Variants in EEF1AKMT1 observed in about 807,000 individuals in gnomAD.
EEF1AKMT1 encodes EEF1A lysine methyltransferase 1.
EEF1AKMT1 carries 18 observed loss-of-function variants against 21.0 expected under a neutral mutation model. The ratio of observed to expected loss-of-function variants is 0.86; its 90% CI spans 0.59 to 1.27. The LOEUF (loss-of-function observed/expected upper bound fraction) is 1.27, where lower values mean the gene tolerates loss of function less well. EEF1AKMT1 is among the 50% of genes most tolerant of loss of function. The probability of loss-of-function intolerance (pLI) is 0.00; values close to 1 mark genes in which losing one functional copy is unlikely to be tolerated. For missense variants in EEF1AKMT1, 246 were observed against 258.6 expected, an observed-to-expected ratio of 0.95 and a Z score of 0.33; for synonymous variants, 109 against 94.8, an observed-to-expected ratio of 1.15 and a Z score of -0.87.
At chr13:20,765,215 G>A (rs1214136574) in intron 1 of EEF1AKMT1, among the ~76,000 whole-genome samples, 2 of 151,878 alleles carry the variant, frequency 1.3e-5, no homozygotes, top group Admixed American at 6.6e-5. Flanking sequence ...GAGCGAGATC[G>A]TGCCACTGCA....
At chr13:20,765,515 C>T (rs574583922) in intron 1 of EEF1AKMT1, among the ~76,000 whole-genome samples, 56 of 141,830 alleles carry the variant, frequency 3.9e-4, no homozygotes, top group African/African-American at 1.2e-3. Context: ...TAGTTTCACA[C>T]GATTCCCCTG....
At chr13:20,765,153 C>T (rs925748707) in intron 1 of EEF1AKMT1, among the ~76,000 whole-genome samples, 1 of 151,794 alleles carries the variant, frequency 6.6e-6, no homozygotes, top group Admixed American at 6.6e-5. Context: ...CCCAGCTACT[C>T]GGGAGGCTGA....
At chr13:20,738,606 T>C (rs988173957) in intron 2 of EEF1AKMT1, among the ~76,000 whole-genome samples, 4 of 152,056 alleles carry the variant, frequency 2.6e-5, no homozygotes, top group Non-Finnish European at 4.4e-5. Context: ...AACTAATGGA[T>C]AGAAAAAATG....
chr13:20,752,540 T>TAA (rs1837660598), intron 2 of EEF1AKMT1, among the ~76,000 whole-genome samples: 1 of 152,050 alleles, frequency 6.6e-6, no homozygotes, highest in Non-Finnish European at 1.5e-5. Flanking sequence ...TATTGGGTTC[T>TAA]ATTTACTAGT....
intron 4 of EEF1AKMT1, among the ~76,000 whole-genome samples, chr13:20,730,503 C>T (rs2058786581): frequency 6.6e-6 from 1 of 152,146 alleles, no homozygotes; most frequent in African/African-American, 2.4e-5. Flanking sequence ...GGTTTCAGTT[C>T]TCAGAATTTT....
rs1253669968 is a variant in EEF1AKMT1 at position 20,757,603 on chromosome 13, C to T, written c.-5G>A. The T allele has an allele frequency of 3.1e-6, 5 of 1,613,188 alleles. No homozygotes were observed. Among genetic ancestry groups the T allele is most frequent in the Non-Finnish European group, 3.4e-6 (4 of 1,179,436 alleles). ...ATCATCTTCCAAATCACTCATTTCA[C>T]AAGTTGTTTATAACCTGCAGATCAA... On this transcript the variant is annotated 5_prime_UTR_variant, in exon 2 of 5. The change creates a new upstream start codon in the 5' untranslated region. Transcript: ENST00000382758.
chr13:20,731,543 C>T (rs2058795723), intron 4 of EEF1AKMT1, among the ~76,000 whole-genome samples: 1 of 152,180 alleles, frequency 6.6e-6, no homozygotes, highest in South Asian at 2.1e-4. Flanking sequence ...AGGGTAGAGG[C>T]TGGATAAGAT....
chr13:20,737,866 T>C, intron 2 of EEF1AKMT1, 61 bp from the exon 3 acceptor site: 1 of 1,211,332 alleles, frequency 8.3e-7, no homozygotes, highest in Non-Finnish European at 1.2e-6. Context: ...TTCTTTTAAT[T>C]TATATATAAT....
intron 2 of EEF1AKMT1, among the ~76,000 whole-genome samples, chr13:20,749,996 T>C (rs1042741621): frequency 2.6e-5 from 4 of 152,218 alleles, no homozygotes; most frequent in Non-Finnish European, 5.9e-5. Flanking sequence ...CCTTCCCTCT[T>C]CATTTTTTGT....
chr13:20,737,610 T>G, intron 3 of EEF1AKMT1, 113 bp downstream of exon 3: 146 of 882,886 alleles, frequency 1.7e-4, no homozygotes, highest in Non-Finnish European at 2.3e-4. Context: ...CTGCAAACCA[T>G]GATCTACAAT....
At chr13:20,743,849 C>G (rs767696127) in intron 2 of EEF1AKMT1, among the ~76,000 whole-genome samples, 2 of 151,916 alleles carry the variant, frequency 1.3e-5, no homozygotes, top group Non-Finnish European at 2.9e-5. Context: ...TTGTCCCCCA[C>G]CCCCTGACAG....
chr13:20,770,818 T>A (rs1284998269), intron 1 of EEF1AKMT1, among the ~76,000 whole-genome samples: 1 of 152,144 alleles, frequency 6.6e-6, no homozygotes, highest in South Asian at 2.1e-4. Flanking sequence ...TATGAGTGTG[T>A]CCATATACAT....
rs1260926030 is a variant in EEF1AKMT1, at chr13:20,737,704, G to A, written c.227+19C>T. On this transcript the variant is annotated intron_variant, in intron 3 of 4. Coordinates refer to ENST00000382758, the MANE Select transcript of EEF1AKMT1 (RefSeq NM_001318939.2). ...AAAATATTACATTAGATGCCAAAAA[G>A]AGAAAATTTGAATCTCACCTGCCAC... 4 of 1,603,922 alleles carry A rather than the reference G, an allele frequency of 2.5e-6. No homozygotes were observed. The highest frequency in any genetic ancestry group is 3.4e-6 in the Non-Finnish European group (4 of 1,173,502).
At chr13:20,740,291 A>G (rs1306381521) in intron 2 of EEF1AKMT1, among the ~76,000 whole-genome samples, 2 of 152,286 alleles carry the variant, frequency 1.3e-5, no homozygotes, top group Non-Finnish European at 2.9e-5. Context: ...GCACAGCCCC[A>G]GTTTCCGCCC....
chr13:20,748,725 G>GTTTTTT (rs1491496241), intron 2 of EEF1AKMT1, among the ~76,000 whole-genome samples: 2 of 68,670 alleles, frequency 2.9e-5, no homozygotes, highest in African/African-American at 5.6e-5. Flanking sequence ...GTTTTTTTTT[G>GTTTTTT]GTTTTTTTTT....
In EEF1AKMT1 at chr13:20,740,272, G is replaced by A. The variant is rs181419545; in HGVS notation, c.145-2467C>T. ...CCACCTGGAACTCGTGCTGGACTGC[G>A]AGTGCCACGCACAGCCCCAGTTTCC... is the stretch of plus-strand genomic sequence containing the variant. On this transcript the variant is annotated intron_variant, in intron 2 of 4. Transcript: ENST00000382758. 1.5e-3 allele frequency among the ~76,000 whole-genome samples: 235 copies of A among 152,318 alleles called. 1 individual carries two copies. Among genetic ancestry groups the A allele is most frequent in the Middle Eastern group, 0.014 (4 of 294 alleles).
At chr13:20,730,430 A>G (rs1015191001) in intron 4 of EEF1AKMT1, among the ~76,000 whole-genome samples, 3 of 152,200 alleles carry the variant, frequency 2.0e-5, no homozygotes, top group African/African-American at 7.2e-5. Flanking sequence ...TAGCGTCCAC[A>G]ACAGCACTCA....
At chr13:20,734,291 G>A (rs1441540021) in intron 3 of EEF1AKMT1, among the ~76,000 whole-genome samples, 1 of 152,232 alleles carries the variant, frequency 6.6e-6, no homozygotes, top group Non-Finnish European at 1.5e-5. Context: ...AAGAAGGGAT[G>A]GGAGCAGAAA....
At chr13:20,738,892 A>G (rs1241122351) in intron 2 of EEF1AKMT1, among the ~76,000 whole-genome samples, 1 of 149,970 alleles carries the variant, frequency 6.7e-6, no homozygotes, top group Non-Finnish European at 1.5e-5. Flanking sequence ...AATGTTCTAA[A>G]ATTGACTGTG....
Sources: allele counts gnomAD v4.1 joint callset (sites outside exome capture counted in the v4.1 genomes callset), GRCh38; gene constraint gnomAD v4.1.1; transcripts MANE v1.5; gene names NCBI Gene and HGNC (gene_info 2026-07-23, HGNC 2026-07-21).